The following EVA1A variants were observed in gnomAD, a reference collection of about 807,000 sequenced individuals.
EVA1A encodes the protein eva-1 homolog A, regulator of programmed cell death, also known as protein eva-1 homolog A.
Under a neutral mutation model 9.8 loss-of-function variants are expected in EVA1A, and 7 were observed. The ratio of observed to expected loss-of-function variants is 0.71; its 90% CI spans 0.41 to 1.34. The LOEUF (loss-of-function observed/expected upper bound fraction) is 1.34, where lower values mean the gene tolerates loss of function less well. EVA1A is among the 40% of genes most tolerant of loss of function. EVA1A has a pLI of 0.01. For missense variants in EVA1A, 206 were observed against 205.9 expected (o/e 1.00, Z 0.00); for synonymous variants, 90 against 85.6 (o/e 1.05, Z -0.28).
intron 3 of EVA1A, among the ~76,000 whole-genome samples, chr2:75,502,760 G>A (rs777666579): frequency 1.4e-4 from 21 of 152,240 alleles, no homozygotes; most frequent in East Asian, 3.9e-4. Flanking sequence ...CTGTAATACC[G>A]TCAGCCATTA....
intron 1 of EVA1A, among the ~76,000 whole-genome samples, chr2:75,545,924 A>G (rs1305938354): frequency 6.6e-6 from 1 of 152,116 alleles, no homozygotes; most frequent in Non-Finnish European, 1.5e-5. Context: ...AATCAAGCAG[A>G]TAATAGCTGA....
intron 3 of EVA1A, among the ~76,000 whole-genome samples, chr2:75,495,619 T>C (rs1674184021): frequency 6.6e-6 from 1 of 152,220 alleles, no homozygotes; most frequent in East Asian, 1.9e-4. Context: ...TTTTATAATC[T>C]TGATGTTGTC....
At chr2:75,555,301 A>ATCTCTCTCTCTCTC (rs58092436) in intron 1 of EVA1A, among the ~76,000 whole-genome samples, 1,780 of 56,982 alleles carry the variant, frequency 0.031, 163 homozygotes, top group Non-Finnish European at 0.042. Context: ...TCAAAACTCA[A>ATCTCTCTCTCTCTC]TCTCTCTCTC....
chr2:75,495,433 T>C (rs1245096475), intron 3 of EVA1A, among the ~76,000 whole-genome samples: 1 of 152,206 alleles, frequency 6.6e-6, no homozygotes. Context: ...TTCTCCCTTA[T>C]ATGGCAAGTC....
intron 1 of EVA1A, among the ~76,000 whole-genome samples, chr2:75,567,019 C>T (rs1677041625): frequency 6.6e-6 from 1 of 151,880 alleles, no homozygotes; most frequent in African/African-American, 2.4e-5. Flanking sequence ...TGAGAGATTT[C>T]AATGATAAAA....
chr2:75,530,921 GAAAT>G (rs70937849), intron 1 of EVA1A, among the ~76,000 whole-genome samples: 23,475 of 152,022 alleles, frequency 0.15, 1,882 homozygotes, highest in African/African-American at 0.18. Context: ...GAAACAGAAA[GAAAT>G]AAAGGTCATT....
intron 3 of EVA1A, among the ~76,000 whole-genome samples, chr2:75,505,290 C>T (rs1422854413): frequency 7.2e-5 from 11 of 152,106 alleles, no homozygotes; most frequent in East Asian, 3.8e-4. Flanking sequence ...TATGTGGTTG[C>T]GCTATAATTA....
At chr2:75,547,567 C>CT (rs999966569) in intron 1 of EVA1A, among the ~76,000 whole-genome samples, 3 of 152,086 alleles carry the variant, frequency 2.0e-5, no homozygotes, top group Non-Finnish European at 2.9e-5. Context: ...ATACCCAAGA[C>CT]TTTTTTTTCC....
chr2:75,565,141 G>T (rs17739099), upstream of EVA1A, among the ~76,000 whole-genome samples: 28,180 of 152,080 alleles, frequency 0.19, 2,999 homozygotes, highest in East Asian at 0.29. Context: ...GAGACTGCTC[G>T]CCCTTCACAG....
chr2:75,532,486 A>G (rs1200457444), intron 1 of EVA1A, among the ~76,000 whole-genome samples: 1 of 152,208 alleles, frequency 6.6e-6, no homozygotes, highest in African/African-American at 2.4e-5. Flanking sequence ...AAAAAGCTCA[A>G]AATAAACAGA....
At chr2:75,514,421 C>T (rs1228594073) in intron 3 of EVA1A, among the ~76,000 whole-genome samples, 1 of 152,074 alleles carries the variant, frequency 6.6e-6, no homozygotes, top group Non-Finnish European at 1.5e-5. Flanking sequence ...AGATAAGAAG[C>T]TCAGGAAGTT....
At chr2:75,496,833 A>G (rs1333557996) in intron 3 of EVA1A, among the ~76,000 whole-genome samples, 1 of 152,202 alleles carries the variant, frequency 6.6e-6, no homozygotes, top group African/African-American at 2.4e-5. Context: ...GTGGTACAAA[A>G]ACCAACACAT....
chr2:75,569,051 C>T lies in EVA1A; in HGVS notation c.-192+425G>A, dbSNP rs548933230. On this transcript the variant is annotated intron_variant, in intron 1 of 3. Coordinates refer to the EVA1A transcript ENST00000233712. Reference sequence around the variant, plus strand: ...TACTTTTAGAACTTTAAAGAATCTCCGTACTGTTTTCCATATTTACTTTCC... The same window carrying T: ...TACTTTTAGAACTTTAAAGAATCTCTGTACTGTTTTCCATATTTACTTTCC... Among the ~76,000 whole-genome samples, 9 of 152,208 alleles carry T rather than the reference C, an allele frequency of 5.9e-5. No individual in the cohort carries two copies. The East Asian group carries it at 7.7e-4, about 13-fold the overall frequency.
At chr2:75,567,308 A>G (rs1319551451) in intron 1 of EVA1A, among the ~76,000 whole-genome samples, 2 of 152,246 alleles carry the variant, frequency 1.3e-5, no homozygotes, top group Non-Finnish European at 2.9e-5. Context: ...AAAAGGATAC[A>G]TAAGAGTTTG....
intron 1 of EVA1A, among the ~76,000 whole-genome samples, chr2:75,548,780 C>T (rs2103961879): frequency 6.6e-6 from 1 of 151,986 alleles, no homozygotes; most frequent in South Asian, 2.1e-4. Context: ...TGTTCTTGTC[C>T]AGGATAGCAG....
chr2:75,526,900 G>A (rs563059063), intron 1 of EVA1A, among the ~76,000 whole-genome samples: 1 of 152,308 alleles, frequency 6.6e-6, no homozygotes, highest in Admixed American at 6.5e-5. Flanking sequence ...GGATGTGTTG[G>A]AGAAGCCAGA....
chr2:75,520,443 A>G (rs1380593342), intron 2 of EVA1A, among the ~76,000 whole-genome samples: 1 of 152,232 alleles, frequency 6.6e-6, no homozygotes, highest in Non-Finnish European at 1.5e-5. Context: ...TTCAAAACTT[A>G]TTATAAATCT....
chr2:75,505,723 A>ACCT (rs1674592872), intron 3 of EVA1A, among the ~76,000 whole-genome samples: 1 of 152,130 alleles, frequency 6.6e-6, no homozygotes, highest in East Asian at 1.9e-4. Context: ...CTGAGGCAGA[A>ACCT]GAGTCACTTG....
intron 3 of EVA1A, among the ~76,000 whole-genome samples, chr2:75,504,031 A>G (rs1310449822): frequency 6.6e-6 from 1 of 152,214 alleles, no homozygotes; most frequent in Non-Finnish European, 1.5e-5. Context: ...AAAATTTTAA[A>G]AAGTGGGCAT....
Sources: allele counts gnomAD v4.1 joint callset (sites outside exome capture counted in the v4.1 genomes callset), GRCh38; gene constraint gnomAD v4.1.1; transcripts MANE v1.5; gene names NCBI Gene and HGNC (gene_info 2026-07-23, HGNC 2026-07-21).